The following ARNT2 variants were observed in gnomAD, a reference collection of about 807,000 sequenced individuals.
ARNT2 encodes the protein aryl hydrocarbon receptor nuclear translocator 2.
A neutral mutation model predicts 91.7 loss-of-function variants in ARNT2; 36 were observed. The observed-to-expected ratio is 0.39, with a 90% confidence interval of 0.30 to 0.52. ARNT2 has a LOEUF of 0.52. Ranked by LOEUF, ARNT2 falls within the 20% of genes least tolerant of loss-of-function variation. The pLI is 0.72. For synonymous variants in ARNT2, 365 were observed against 347.1 expected, an observed-to-expected ratio of 1.05 and a Z score of -0.57; for missense variants, 775 against 939.3, an observed-to-expected ratio of 0.83 and a Z score of 2.29.
intron 1 of ARNT2, among the ~76,000 whole-genome samples, chr15:80,432,101 GC>G (rs1896019543): frequency 6.6e-6 from 1 of 152,232 alleles, no homozygotes; most frequent in African/African-American, 2.4e-5. Flanking sequence ...AAGATTAAGG[GC>G]CTACTGTCAA....
Position 80,457,939 on chromosome 15 carries a change from G to A in ARNT2, c.157G>A (p.Asp53Asn), listed in dbSNP as rs766343727. Residue 53 changes from aspartate (D) to asparagine (N), a missense_variant, in exon 3 of 19, where the codon GAT (aspartate) becomes AAT (asparagine). Asp to Asn is a conservative substitution (Grantham distance 23). Coordinates refer to ENST00000303329, the MANE Select transcript of ARNT2 (RefSeq NM_014862.4). ...GGKRRSGMDF[D>N]DEDGEGPSKF... is the part of the protein sequence containing the mutation. ...ATCTTGACTTTTCAGAATGGACTTC[G>A]ATGATGAAGATGGTGAAGGCCCCAG... 3 of 1,613,810 alleles carry A rather than the reference G, an allele frequency of 1.9e-6. No homozygotes were observed. The highest frequency in any genetic ancestry group is 1.6e-4 in the Middle Eastern group (1 of 6,080).
At chr15:80,461,774 G>T (rs947100372) in intron 3 of ARNT2, among the ~76,000 whole-genome samples, 1 of 152,132 alleles carries the variant, frequency 6.6e-6, no homozygotes, top group Admixed American at 6.5e-5. Flanking sequence ...AGGCCTTTCT[G>T]CCAAGGAGGC....
chr15:80,493,704 G>A (rs1255323337), intron 5 of ARNT2, among the ~76,000 whole-genome samples: 1 of 152,058 alleles, frequency 6.6e-6, no homozygotes, highest in East Asian at 1.9e-4. Flanking sequence ...TTCTTCCCAG[G>A]CAGTTTGTTT....
intron 17 of ARNT2, among the ~76,000 whole-genome samples, chr15:80,590,299 G>A (rs1463415622): frequency 6.6e-6 from 1 of 152,190 alleles, no homozygotes; most frequent in Non-Finnish European, 1.5e-5. Context: ...AAGAAAAAAA[G>A]CTTCTAAGAT....
At chr15:80,460,405 G>A (rs932623564) in intron 3 of ARNT2, among the ~76,000 whole-genome samples, 1 of 152,218 alleles carries the variant, frequency 6.6e-6, no homozygotes, top group Non-Finnish European at 1.5e-5. Context: ...CAACAAAGTA[G>A]TAGATGTGAA....
At chr15:80,449,565 A>C (rs1896357106) in intron 1 of ARNT2, among the ~76,000 whole-genome samples, 1 of 152,208 alleles carries the variant, frequency 6.6e-6, no homozygotes. Flanking sequence ...ACAAAACAAA[A>C]GTGTAATCAT....
At position 80,475,146 on chromosome 15, in the gene ARNT2, C is replaced by T; in HGVS notation, c.545C>T (p.Thr182Ile). 6.2e-7 allele frequency: 1 copy of T among 1,614,206 alleles called. No homozygotes were observed. Among genetic ancestry groups the T allele is most frequent in the Middle Eastern group, 1.7e-4 (1 of 6,046 alleles). Reference sequence around the variant, plus strand: ...CCCCAGTCAGAGTGGTTTGGGAGCACACTGTATGAACAGGTGCATCCTGAT... The same window carrying T: ...CCCCAGTCAGAGTGGTTTGGGAGCATACTGTATGAACAGGTGCATCCTGAT... ...NQPQSEWFGS[T>I]LYEQVHPDDV... Residue 182 changes from threonine (T) to isoleucine (I), a missense_variant, in exon 5 of 19, where the codon ACA becomes ATA. This residue lies in a region of ARNT2 where 285 missense variants were observed against 327.2 expected (regional missense o/e 0.87). Coordinates refer to ENST00000303329, the MANE Select transcript of ARNT2 (RefSeq NM_014862.4).
chr15:80,539,188 A>G (rs1897868610), intron 8 of ARNT2, among the ~76,000 whole-genome samples: 1 of 152,160 alleles, frequency 6.6e-6, no homozygotes, highest in Non-Finnish European at 1.5e-5. Flanking sequence ...TTGTGAAGTT[A>G]GCACAACTTT....
At chr15:80,498,503 T>C (rs1378625109) in intron 5 of ARNT2, among the ~76,000 whole-genome samples, 4 of 152,130 alleles carry the variant, frequency 2.6e-5, no homozygotes, top group East Asian at 3.8e-4. Context: ...CCTAGGACAA[T>C]AGGCAAAAGC....
At chr15:80,486,650 T>C (rs1896978889) in intron 5 of ARNT2, among the ~76,000 whole-genome samples, 2 of 152,256 alleles carry the variant, frequency 1.3e-5, no homozygotes, top group Non-Finnish European at 2.9e-5. Flanking sequence ...ATGCATTCAC[T>C]GATGGATCCC....
intron 4 of ARNT2, among the ~76,000 whole-genome samples, chr15:80,472,574 C>A (rs770978792): frequency 6.6e-6 from 1 of 152,144 alleles, no homozygotes. Flanking sequence ...CTAAATCATC[C>A]CAGTGGTCAT....
chr15:80,584,593 C>G (rs1898859320), intron 17 of ARNT2, among the ~76,000 whole-genome samples: 1 of 152,178 alleles, frequency 6.6e-6, no homozygotes, highest in African/African-American at 2.4e-5. Flanking sequence ...CATTAATGGT[C>G]AGTTTCATTA....
At chr15:80,524,171 A>G (rs1897596838) in intron 8 of ARNT2, among the ~76,000 whole-genome samples, 1 of 152,230 alleles carries the variant, frequency 6.6e-6, no homozygotes, top group African/African-American at 2.4e-5. Context: ...TAGCCTCACT[A>G]TTAATCAGAA....
chr15:80,404,772 CG>C lies in ARNT2; in HGVS notation c.31+229del, dbSNP rs1264079356. Among the ~76,000 whole-genome samples the C allele has an allele frequency of 2.0e-5, 3 of 152,066 alleles. No individual in the cohort carries two copies. The highest frequency in any genetic ancestry group is 4.4e-5 in the Non-Finnish European group (3 of 67,958). On this transcript the variant is annotated intron_variant, in intron 1 of 18. Coordinates refer to ENST00000303329, the MANE Select transcript of ARNT2 (RefSeq NM_014862.4). The surrounding 1 kb of genome is among the most constrained non-coding windows in gnomAD (Gnocchi z 5.5). The stretch of plus-strand genomic sequence containing the variant: ...CCGGGCAGGCGCCGGTCCGGACCCG[CG>C]GGCGGCCGGACGCTGGCCTCGCATC...
intron 8 of ARNT2, among the ~76,000 whole-genome samples, chr15:80,531,461 T>C (rs1469035463): frequency 1.3e-5 from 2 of 152,256 alleles, no homozygotes; most frequent in African/African-American, 2.4e-5. Flanking sequence ...CATTAAAATC[T>C]GTTAAAATAG....
At position 80,555,486 on chromosome 15, in the gene ARNT2, A is replaced by T. The variant is rs1217985232; in HGVS notation, c.1164+347A>T. 3 of 229,184 alleles carry T rather than the reference A, an allele frequency of 1.3e-5. No individual in the cohort carries two copies. The East Asian group carries it at 2.6e-4, about 20-fold the overall frequency. 14.2% of individuals were successfully genotyped at this position (229,184 alleles called of 1,614,324 possible). A position where few individuals can be genotyped will look rare whatever the true frequency, so the allele number is the denominator to read the frequency against. On this transcript the variant is annotated intron_variant, in intron 11 of 18. Coordinates refer to ENST00000303329, the MANE Select transcript of ARNT2 (RefSeq NM_014862.4). ...AGGATGAGCATAGAATAAATGAGTGAACATTCTAGACTGAAGGGGCAGCCC... is the reference window on the plus strand; with the variant it reads ...AGGATGAGCATAGAATAAATGAGTGTACATTCTAGACTGAAGGGGCAGCCC...
rs1893371766 is a variant in ARNT2, at chr15:80,596,166, T to G, written c.*2468T>G. The G allele has an allele frequency of 6.6e-6, 1 of 152,248 alleles. No individual in the cohort carries two copies. The highest frequency in any genetic ancestry group is 1.5e-5 in the Non-Finnish European group (1 of 68,080). The allele number at this position is 152,248 out of a possible 1,614,324, so 9.4% of individuals were successfully genotyped here. A position where few individuals can be genotyped will look rare whatever the true frequency, so the allele number is the denominator to read the frequency against. ...GAGGATCCTTGCTCCCAACGTCTACTTCTCCTACCTCAACAGGGGTCCAGG... is the reference window on the plus strand; with the variant it reads ...GAGGATCCTTGCTCCCAACGTCTACGTCTCCTACCTCAACAGGGGTCCAGG... On this transcript the variant is annotated 3_prime_UTR_variant, in exon 19 of 19. Transcript: ENST00000303329.
rs114700105 is a variant in ARNT2 at position 80,496,709 on chromosome 15, T to G, written c.623-11447T>G. Among the ~76,000 whole-genome samples the G allele has an allele frequency of 9.2e-3, 1,399 of 152,336 alleles. 27 individuals carry two copies. Among genetic ancestry groups the G allele is most frequent in the African/African-American group, 0.031 (1,281 of 41,568 alleles). On this transcript the variant is annotated intron_variant, in intron 5 of 18. Transcript: ENST00000303329. The stretch of plus-strand genomic sequence containing the variant: ...TTGAGAATATGTCAGGAGCTCAGCT[T>G]CTGGAAGTTGCTTAGGATTCCTACT...
rs1173422333 is a variant in ARNT2, at chr15:80,591,770, G to T, written c.2055+66G>T. 2.9e-5 allele frequency: 46 copies of T among 1,598,308 alleles called. 1 individual carries two copies. Among genetic ancestry groups the T allele is most frequent in the Admixed American group, 2.4e-4 (14 of 59,378 alleles). On this transcript the variant is annotated intron_variant, in intron 18 of 18. Coordinates refer to ENST00000303329, the MANE Select transcript of ARNT2 (RefSeq NM_014862.4). This position sits in a 1 kb window ranked among gnomAD's most constrained non-coding sequence, Gnocchi z 5.1. ...CTTCTCTCTGCTTCCTTTCCCCCTC[G>T]GTCTCTGCCGCACCACCGCCTGCCC...
Sources: gnomAD v4.1 joint callset for allele counts (sites outside exome capture counted in the v4.1 genomes callset) on GRCh38, gnomAD v4.1.1 for gene constraint, gnomAD v4.1.1 regional missense constraint, Gnocchi (gnomAD v3.1) non-coding constraint, MANE v1.5 for transcripts, NCBI Gene and HGNC (gene_info 2026-07-23, HGNC 2026-07-21) for gene names.